Variants in NEK11 observed in about 807,000 individuals in gnomAD.
NEK11 encodes the protein serine/threonine-protein kinase Nek11.
In NEK11, 72 loss-of-function variants were observed where a neutral mutation model predicts 80.7. The observed-to-expected ratio is 0.89, with a 90% CI of 0.74 to 1.08. NEK11 has a LOEUF of 1.08. Among genes scored for constraint, NEK11 ranks in the 50% least tolerant of loss-of-function variants. The probability of loss-of-function intolerance (pLI) is 0.00; values close to 1 mark genes in which losing one functional copy is unlikely to be tolerated. For missense variants in NEK11, 764 were observed against 763.6 expected, an observed-to-expected ratio of 1.00 and a Z score of -0.01; for synonymous variants, 251 against 260.7, an observed-to-expected ratio of 0.96 and a Z score of 0.36.
At chr3:131,215,671 C>T (rs886404104) in intron 14 of NEK11, among the ~76,000 whole-genome samples, 18 of 152,122 alleles carry the variant, frequency 1.2e-4, no homozygotes, top group Admixed American at 1.1e-3. Context: ...GGCTGGGGTG[C>T]GATGGAGACA....
At chr3:131,343,456 T>C (rs917117335) in intron 17 of NEK11, among the ~76,000 whole-genome samples, 4 of 152,218 alleles carry the variant, frequency 2.6e-5, no homozygotes, top group African/African-American at 9.6e-5. Flanking sequence ...TGTGATTGTT[T>C]TGGTTTTCCA....
At chr3:131,311,308 G>C (rs1012373418) in intron 17 of NEK11, among the ~76,000 whole-genome samples, 18 of 152,020 alleles carry the variant, frequency 1.2e-4, no homozygotes, top group African/African-American at 4.4e-4. Flanking sequence ...AATACATTGT[G>C]GTTAACTATA....
chr3:131,330,609 T>C (rs1214346469), intron 17 of NEK11: 1 of 152,214 alleles, frequency 6.6e-6, no homozygotes, highest in Admixed American at 6.5e-5. Flanking sequence ...TCCTAAAATT[T>C]AAATCATCCT....
intron 16 of NEK11, among the ~76,000 whole-genome samples, chr3:131,250,277 T>C (rs551367923): frequency 1.3e-5 from 2 of 151,838 alleles, no homozygotes; most frequent in Non-Finnish European, 2.9e-5. Context: ...AAAAAAATTA[T>C]CAAATAAATA....
intron 14 of NEK11, among the ~76,000 whole-genome samples, chr3:131,211,863 A>G (rs1332756225): frequency 6.6e-6 from 1 of 151,924 alleles, no homozygotes; most frequent in East Asian, 1.9e-4. Context: ...CTAGTTATCC[A>G]TTCTTCTAAT....
intron 5 of NEK11, among the ~76,000 whole-genome samples, chr3:131,126,823 G>A (rs1482636724): frequency 1.3e-5 from 2 of 151,968 alleles, no homozygotes; most frequent in African/African-American, 4.8e-5. Context: ...AAAGATGTAT[G>A]TTAGACCATC....
At position 131,286,578 on chromosome 3, in the gene NEK11, C is replaced by G. The variant is rs1358358416; in HGVS notation, c.1718+13004C>G. Among the ~76,000 whole-genome samples, 3 of 152,210 alleles carry G rather than the reference C, an allele frequency of 2.0e-5. No homozygotes were observed. In the South Asian group the frequency reaches 6.2e-4, roughly 32 times the overall value. On this transcript the variant is annotated intron_variant, in intron 17 of 17. Transcript: ENST00000383366. ...TTTGAAATATCTATATTATATTATTCATTGTTGAAAACCCTAAACACCACC... is the reference window on the plus strand; with the variant it reads ...TTTGAAATATCTATATTATATTATTGATTGTTGAAAACCCTAAACACCACC...
intron 16 of NEK11, among the ~76,000 whole-genome samples, chr3:131,247,776 A>G (rs1375325209): frequency 6.7e-6 from 1 of 149,214 alleles, no homozygotes; most frequent in African/African-American, 2.5e-5. Flanking sequence ...GATTTCTTTC[A>G]TTAGTGTTTT....
intron 4 of NEK11, among the ~76,000 whole-genome samples, chr3:131,092,630 G>T (rs1382734437): frequency 6.6e-6 from 1 of 152,148 alleles, no homozygotes; most frequent in South Asian, 2.1e-4. Context: ...GTTAGCAAGA[G>T]AATTTATAAA....
chr3:131,284,052 C>T (rs570204451), intron 17 of NEK11, among the ~76,000 whole-genome samples: 1 of 152,256 alleles, frequency 6.6e-6, no homozygotes, highest in African/African-American at 2.4e-5. Flanking sequence ...CTAGGGAAAC[C>T]GGACACCTGT....
intron 17 of NEK11, among the ~76,000 whole-genome samples, chr3:131,318,156 T>C (rs1238813456): frequency 1.3e-5 from 2 of 151,288 alleles, no homozygotes; most frequent in African/African-American, 2.4e-5. Context: ...TGAAGGAAGG[T>C]GAAGAGGAAG....
chr3:131,302,688 T>C (rs2096674982), intron 17 of NEK11, among the ~76,000 whole-genome samples: 1 of 152,238 alleles, frequency 6.6e-6, no homozygotes, highest in Non-Finnish European at 1.5e-5. Flanking sequence ...GATTTCTGTT[T>C]TTATTGTGCT....
intron 3 of NEK11, among the ~76,000 whole-genome samples, chr3:131,063,605 C>T (rs574925350): frequency 1.3e-5 from 2 of 151,984 alleles, no homozygotes; most frequent in African/African-American, 4.8e-5. Flanking sequence ...AATACAGTCC[C>T]GATAGATAGG....
rs1398776024 is a variant in NEK11, at chr3:131,080,474, A to G, written c.222A>G (p.Val74=). ...SVGELNPNET[V]QANLEAQLLS... The stretch of plus-strand genomic sequence containing the variant: ...GAGAACTAAATCCAAATGAAACTGT[A>G]CAGGCCAATTTGGAAGCCCAACTCC... The change falls in exon 4 of 18, where the codon GTA becomes GTG. Residue 74 remains valine, a synonymous_variant. Transcript: ENST00000383366. 3.1e-6 allele frequency: 5 copies of G among 1,613,904 alleles called. No homozygotes were observed. In the East Asian group the frequency reaches 6.7e-5, roughly 22 times the overall value.
chr3:131,148,196 C>G (rs187991360), intron 7 of NEK11, among the ~76,000 whole-genome samples: 4 of 151,732 alleles, frequency 2.6e-5, no homozygotes, highest in Non-Finnish European at 5.9e-5. Context: ...ATTAAGTCAA[C>G]TCTGTATTTC....
chr3:131,167,865 T>C (rs144224307), intron 12 of NEK11, among the ~76,000 whole-genome samples: 98 of 152,334 alleles, frequency 6.4e-4, no homozygotes, highest in African/African-American at 2.3e-3. Context: ...GCTGATGCTG[T>C]TCTGGACAAA....
chr3:131,254,240 C>A (rs1267641688), intron 16 of NEK11, among the ~76,000 whole-genome samples: 1 of 152,118 alleles, frequency 6.6e-6, no homozygotes, highest in Non-Finnish European at 1.5e-5. Flanking sequence ...TTCTCTCTTC[C>A]AATGAAAGTG....
At chr3:131,170,729 T>G (rs2092629825) in intron 13 of NEK11, 44 bp from the exon 14 acceptor site, 1 of 1,189,288 alleles carries the variant, frequency 8.4e-7, no homozygotes, top group South Asian at 1.2e-5. Flanking sequence ...TAGTGCTGTT[T>G]CCTTCTATCA....
At chr3:131,203,525 C>T (rs1306647537) in intron 14 of NEK11, among the ~76,000 whole-genome samples, 1 of 149,528 alleles carries the variant, frequency 6.7e-6, no homozygotes, top group African/African-American at 2.5e-5. Flanking sequence ...CATATGTATA[C>T]ATATGTAACA....
Sources: allele counts gnomAD v4.1 joint callset (sites outside exome capture counted in the v4.1 genomes callset), GRCh38; gene constraint gnomAD v4.1.1; transcripts MANE v1.5; gene names NCBI Gene and HGNC (gene_info 2026-07-23, HGNC 2026-07-21).